C2CD3: variants seen among roughly 807,000 people sequenced by gnomAD.
C2CD3 encodes the protein C2 domain-containing protein 3.
Under a neutral mutation model 234.0 loss-of-function variants are expected in C2CD3, and 148 were observed. The observed-to-expected ratio is 0.63, with a 90% CI of 0.55 to 0.72. C2CD3 has a LOEUF of 0.72. Ranked by LOEUF, C2CD3 falls within the 30% of genes least tolerant of loss-of-function variation. The pLI is 0.00. For synonymous variants in C2CD3, 1,000 were observed against 1,035.4 expected, an observed-to-expected ratio of 0.97 and a Z score of 0.66; for missense variants, 2,577 against 2,811.5, an observed-to-expected ratio of 0.92 and a Z score of 1.89.
Position 74,133,546 on chromosome 11 carries a change from GT to G in C2CD3, c.966del (p.Glu322AspfsTer11), listed in dbSNP as rs1400992903. ...PTKDLLSALL[E>X]QGNKLRNAMV... ...ATGGCATTACGCAGTTTATTGCCTT[GT>G]TCTAACAGAGCTGAAGAGGGTAAAT... is the stretch of plus-strand genomic sequence containing the variant. On this transcript the variant is annotated frameshift_variant, in exon 6 of 33. Coordinates refer to ENST00000334126, the MANE Select transcript of C2CD3 (RefSeq NM_001286577.2). LOFTEE classifies it high-confidence loss of function. 1 of 1,613,874 alleles carries G rather than the reference GT, an allele frequency of 6.2e-7. No homozygotes were observed. The highest frequency in any genetic ancestry group is 8.5e-7 in the Non-Finnish European group (1 of 1,179,974).
chr11:74,157,828 A>T (rs1004722987), intron 3 of C2CD3, among the ~76,000 whole-genome samples: 1 of 152,208 alleles, frequency 6.6e-6, no homozygotes, highest in Non-Finnish European at 1.5e-5. Flanking sequence ...TATCTCATGC[A>T]TATCTATCAC....
At chr11:74,119,494 C>CAA (rs886524966) in intron 8 of C2CD3, among the ~76,000 whole-genome samples, 1 of 152,034 alleles carries the variant, frequency 6.6e-6, no homozygotes, top group Admixed American at 6.5e-5. Context: ...ATTCAGGACA[C>CAA]AAACCCAAAG....
At chr11:74,137,030 CTTT>C (rs1166676910) in intron 5 of C2CD3, among the ~76,000 whole-genome samples, 20 of 138,264 alleles carry the variant, frequency 1.4e-4, no homozygotes, top group South Asian at 1.4e-3. Flanking sequence ...TTTCTCTTTG[CTTT>C]TTTTTTTTTT....
At position 74,100,397 on chromosome 11, in the gene C2CD3, G is replaced by C. The variant is rs995975155; in HGVS notation, c.2732+128C>G. The C allele has an allele frequency of 9.6e-6, 8 of 836,358 alleles. No individual in the cohort carries two copies. In the African/African-American group the frequency reaches 1.4e-4, roughly 15 times the overall value. The allele number at this position is 836,358 out of a possible 1,614,324, so 51.8% of individuals were successfully genotyped here. On this transcript the variant is annotated intron_variant, in intron 15 of 32. Transcript: ENST00000334126. ...GAATAGGAGAAAGAGCAGCAACTCT[G>C]TTGAAACTGGAAAAAGTCCTTCAAG...
intron 5 of C2CD3, among the ~76,000 whole-genome samples, chr11:74,137,343 A>G (rs2135541816): frequency 6.6e-6 from 1 of 152,158 alleles, no homozygotes; most frequent in Middle Eastern, 3.4e-3. Context: ...CCTGATACCT[A>G]GAAGAGCGCC....
intron 11 of C2CD3, among the ~76,000 whole-genome samples, chr11:74,111,380 T>C (rs1956737543): frequency 6.6e-6 from 1 of 152,126 alleles, no homozygotes; most frequent in African/African-American, 2.4e-5. Context: ...CCCTACCTCA[T>C]GTGATGGGTC....
At chr11:74,119,421 T>C (rs544200813) in intron 8 of C2CD3, among the ~76,000 whole-genome samples, 24 of 152,240 alleles carry the variant, frequency 1.6e-4, no homozygotes, top group African/African-American at 4.3e-4. Flanking sequence ...AGAGAGAAGA[T>C]GGCATTATAG....
rs7943275 is a variant in C2CD3 at position 74,082,238 on chromosome 11, C to G, written c.4000+2643G>C. 3.8e-3 allele frequency among the ~76,000 whole-genome samples: 572 copies of G among 152,086 alleles called. 3 individuals carry two copies. Among genetic ancestry groups the G allele is most frequent in the Middle Eastern group, 0.027 (8 of 294 alleles). On this transcript the variant is annotated intron_variant, in intron 22 of 32. Transcript: ENST00000334126. ...TCATGCCATTCTCCTGCCTCAGCCC[C>G]CGGAGTAGCTGGGACCACAGGCGCC...
At chr11:74,055,270 A>C (rs540637423) in intron 25 of C2CD3, among the ~76,000 whole-genome samples, 1 of 152,338 alleles carries the variant, frequency 6.6e-6, no homozygotes, top group South Asian at 2.1e-4. Flanking sequence ...CCTGACCTCA[A>C]TGCTACACCA....
At chr11:74,137,004 C>A (rs1297478870) in intron 5 of C2CD3, among the ~76,000 whole-genome samples, 2 of 148,204 alleles carry the variant, frequency 1.3e-5, no homozygotes, top group African/African-American at 4.9e-5. Flanking sequence ...TCCCTTAGAT[C>A]TTTAATGTTA....
intron 14 of C2CD3, 107 bp downstream of exon 14, chr11:74,103,024 G>C (rs532545044): frequency 1.8e-6 from 2 of 1,127,530 alleles, no homozygotes; most frequent in Non-Finnish European, 2.6e-6. Context: ...AATTACGAAG[G>C]TTCCTTCTAG....
chr11:74,044,700 C>T (rs754937307), intron 28 of C2CD3, among the ~76,000 whole-genome samples: 1 of 151,916 alleles, frequency 6.6e-6, no homozygotes, highest in Non-Finnish European at 1.5e-5. Context: ...AACTTTTGTC[C>T]TCCTCCCTTT....
At chr11:74,151,389 C>T (rs1331104548) in intron 3 of C2CD3, among the ~76,000 whole-genome samples, 1 of 152,000 alleles carries the variant, frequency 6.6e-6, no homozygotes, top group Admixed American at 6.6e-5. Context: ...ATGATCTCGG[C>T]CCACTGCAAC....
At position 74,092,540 on chromosome 11, in the gene C2CD3, C is replaced by T. The variant is rs775671559; in HGVS notation, c.3393G>A (p.Leu1131=). The T allele has an allele frequency of 6.2e-7, 1 of 1,613,812 alleles. No homozygotes were observed. The highest frequency in any genetic ancestry group is 1.3e-5 in the African/African-American group (1 of 74,882). Reference sequence around the variant, plus strand: ...CCATAGCACAGATCCTTGATAATGGCAAGGTTCCTTTGGCGACCTTCTGGT... The same window carrying T: ...CCATAGCACAGATCCTTGATAATGGTAAGGTTCCTTTGGCGACCTTCTGGT... ...VRDQKVAKGT[L]PLSRICAMVT... Residue 1131 remains leucine (L), a synonymous_variant, in exon 19 of 33, where the codon TTG becomes TTA. Coordinates refer to ENST00000334126, the MANE Select transcript of C2CD3 (RefSeq NM_001286577.2).
At chr11:74,094,025 A>G in intron 17 of C2CD3, 26 bp from the exon 18 acceptor site, 6 of 1,567,220 alleles carry the variant, frequency 3.8e-6, no homozygotes, top group Non-Finnish European at 5.3e-6. Context: ...GCATTTCAGA[A>G]TAATCCAACA....
At chr11:74,019,808 C>T (rs185385226) in intron 32 of C2CD3, among the ~76,000 whole-genome samples, 2 of 152,220 alleles carry the variant, frequency 1.3e-5, no homozygotes, top group Non-Finnish European at 2.9e-5. Flanking sequence ...TCCCAAGTAG[C>T]TGGGATTAGA....
chr11:74,114,398 A>T lies in C2CD3; in HGVS notation c.1716T>A (p.Thr572=), dbSNP rs1362015144. The change falls in exon 10 of 33, where the codon ACT becomes ACA. Residue 572 remains threonine (T), a synonymous_variant. Transcript: ENST00000334126. ...KSYAGPPPKV[T]TAKKRTFFVE... is the part of the protein sequence containing the mutation. ...TAGAGACATACCGCTTTTTTGCTGTAGTCACCTTAGGTGGTGGACCAGCAT... is the reference window on the plus strand; with the variant it reads ...TAGAGACATACCGCTTTTTTGCTGTTGTCACCTTAGGTGGTGGACCAGCAT... 1.2e-6 allele frequency: 2 copies of T among 1,613,466 alleles called. No individual in the cohort carries two copies. The highest frequency in any genetic ancestry group is 1.7e-6 in the Non-Finnish European group (2 of 1,179,550).
intron 13 of C2CD3, among the ~76,000 whole-genome samples, chr11:74,104,366 T>C (rs1359587480): frequency 6.6e-6 from 1 of 152,212 alleles, no homozygotes; most frequent in East Asian, 1.9e-4. Context: ...ATCAATGCTA[T>C]GCTGACTTTT....
chr11:74,137,498 A>C (rs1052574627), intron 5 of C2CD3, among the ~76,000 whole-genome samples: 1 of 151,564 alleles, frequency 6.6e-6, no homozygotes, highest in Admixed American at 6.6e-5. Context: ...TAGTCTTTGC[A>C]TTAAAGACTG....
Sources: gnomAD v4.1 joint callset for allele counts (sites outside exome capture counted in the v4.1 genomes callset) on GRCh38, gnomAD v4.1.1 for gene constraint, MANE v1.5 for transcripts, NCBI Gene and HGNC (gene_info 2026-07-23, HGNC 2026-07-21) for gene names.